The following NPFFR2 variants were observed in gnomAD, a reference collection of about 807,000 sequenced individuals.
NPFFR2 encodes the protein neuropeptide FF receptor 2, also known as G-protein coupled receptor 74.
NPFFR2 carries 15 observed loss-of-function variants against 13.1 expected under a neutral mutation model. That is an observed-to-expected ratio of 1.15 (90% CI 0.77 to 1.76). The LOEUF is 1.76. Ranked by LOEUF, NPFFR2 falls within the 40% of genes most tolerant of loss-of-function variation. The pLI, the probability that NPFFR2 is intolerant of heterozygous loss-of-function variation, is 0.00. For synonymous variants in NPFFR2, 190 were observed against 175.7 expected (o/e 1.08, Z -0.65); for missense variants, 572 against 503.5 (o/e 1.14, Z -1.30).
At chr4:72,074,581 T>A (rs535795341) in intron 1 of NPFFR2, among the ~76,000 whole-genome samples, 2 of 152,156 alleles carry the variant, frequency 1.3e-5, no homozygotes, top group Admixed American at 6.6e-5. Flanking sequence ...ATTTTAGGCA[T>A]CCACTTTGGG....
rs570842338 is a variant in NPFFR2, at chr4:72,087,351, A to G, written c.-7-41234A>G. Among the ~76,000 whole-genome samples the G allele has an allele frequency of 2.0e-5, 3 of 152,258 alleles. No homozygotes were observed. In the East Asian group the frequency reaches 5.8e-4, roughly 29 times the overall value. The stretch of plus-strand genomic sequence containing the variant: ...TGGGAAGAAAATCCAAACACAACAT[A>G]TAAAAATAAATTTCCATGGCTCCTA... On this transcript the variant is annotated intron_variant, in intron 1 of 3. Coordinates refer to ENST00000308744, the MANE Select transcript of NPFFR2 (RefSeq NM_004885.3).
chr4:72,086,815 T>G (rs1434001083), intron 1 of NPFFR2, among the ~76,000 whole-genome samples: 2 of 152,080 alleles, frequency 1.3e-5, no homozygotes, highest in African/African-American at 4.8e-5. Context: ...TGGTAGAGAT[T>G]GAGCTCCATA....
chr4:72,060,698 C>T (rs756124579), intron 1 of NPFFR2, among the ~76,000 whole-genome samples: 3 of 151,958 alleles, frequency 2.0e-5, no homozygotes, highest in Middle Eastern at 3.2e-3. Context: ...TTTAGAACCC[C>T]GAGCTTGTCA....
chr4:72,063,711 C>A (rs1163489265), intron 1 of NPFFR2, among the ~76,000 whole-genome samples: 1 of 152,154 alleles, frequency 6.6e-6, no homozygotes, highest in African/African-American at 2.4e-5. Flanking sequence ...AGTTTTCCAG[C>A]TGGGGCATAT....
Position 72,119,362 on chromosome 4 carries a change from T to A in NPFFR2, c.-7-9223T>A, listed in dbSNP as rs566210331. Reference sequence around the variant, plus strand: ...ATAATTCGGAAACTTCTTGAGAAGCTTTGTAGTTATATATACACTGTAATT... The same window carrying A: ...ATAATTCGGAAACTTCTTGAGAAGCATTGTAGTTATATATACACTGTAATT... On this transcript the variant is annotated intron_variant, in intron 1 of 3. Transcript: ENST00000308744. Among the ~76,000 whole-genome samples, 3 of 152,318 alleles carry A rather than the reference T, an allele frequency of 2.0e-5. No individual in the cohort carries two copies. In the South Asian group the frequency reaches 6.2e-4, roughly 32 times the overall value.
rs763956496 is a variant in NPFFR2 at position 72,128,814 on chromosome 4, CAT to C, written c.226_227del (p.Met76AlafsTer5). ...VVCFIVMRNK[H>X]MHTVTNLFIL... ...TTGCTTTATTGTAATGAGGAACAAA[CAT>C]ATGCACACAGTCACTAATCTCTTCA... On this transcript the variant is annotated frameshift_variant, in exon 2 of 4. Transcript: ENST00000308744. LOFTEE classifies it high-confidence loss of function. 18 of 1,613,898 alleles carry C rather than the reference CAT, an allele frequency of 1.1e-5. No homozygotes were observed. In the East Asian group the frequency reaches 3.3e-4, roughly 30 times the overall value.
chr4:72,066,503 C>T (rs894028563), intron 1 of NPFFR2, among the ~76,000 whole-genome samples: 2 of 152,088 alleles, frequency 1.3e-5, no homozygotes, highest in Non-Finnish European at 2.9e-5. Flanking sequence ...AAATATTTCT[C>T]AATCAGATAT....
At chr4:72,136,962 G>T (rs1168178441) in intron 2 of NPFFR2, among the ~76,000 whole-genome samples, 1 of 152,194 alleles carries the variant, frequency 6.6e-6, no homozygotes, top group Non-Finnish European at 1.5e-5. Flanking sequence ...GGAATTGTGT[G>T]AGGGAGATAA....
At chr4:72,100,643 A>G (rs1197401061) in intron 1 of NPFFR2, among the ~76,000 whole-genome samples, 1 of 152,040 alleles carries the variant, frequency 6.6e-6, no homozygotes, top group Non-Finnish European at 1.5e-5. Context: ...TAGAATTTAA[A>G]AGTGTACTTT....
At chr4:72,045,791 T>A (rs543119211) in intron 1 of NPFFR2, among the ~76,000 whole-genome samples, 35 of 152,290 alleles carry the variant, frequency 2.3e-4, no homozygotes, top group African/African-American at 7.9e-4. Flanking sequence ...GTATGGTTTC[T>A]GTTAAATGCA....
chr4:72,107,460 A>G (rs75924944), intron 1 of NPFFR2, among the ~76,000 whole-genome samples: 2,697 of 151,694 alleles, frequency 0.018, 84 homozygotes, highest in African/African-American at 0.062. Context: ...AGTATTAGTT[A>G]TGGGGCCTGG....
intron 1 of NPFFR2, among the ~76,000 whole-genome samples, chr4:72,035,716 A>G (rs1251673429): frequency 3.3e-5 from 5 of 152,212 alleles, no homozygotes; most frequent in Non-Finnish European, 7.3e-5. Context: ...GAAAAAACAA[A>G]TAAAATAACT....
chr4:72,067,536 C>G (rs1720110080), intron 1 of NPFFR2, among the ~76,000 whole-genome samples: 1 of 152,186 alleles, frequency 6.6e-6, no homozygotes, highest in African/African-American at 2.4e-5. Flanking sequence ...CTCTCCTAAA[C>G]AAGCTTTTAA....
intron 2 of NPFFR2, among the ~76,000 whole-genome samples, chr4:72,131,822 T>C (rs1722251512): frequency 2.0e-5 from 3 of 152,130 alleles, no homozygotes; most frequent in African/African-American, 7.2e-5. Context: ...AAACAAATGA[T>C]GGAAGGATTC....
At chr4:72,058,443 A>G (rs1484835995) in intron 1 of NPFFR2, among the ~76,000 whole-genome samples, 1 of 151,640 alleles carries the variant, frequency 6.6e-6, no homozygotes, top group Non-Finnish European at 1.5e-5. Flanking sequence ...ACCCCAGAGG[A>G]GTCTGGTTCC....
intron 2 of NPFFR2, 128 bp from the exon 3 acceptor site, chr4:72,137,912 A>T (rs1722467823): frequency 6.0e-6 from 4 of 672,038 alleles, no homozygotes; most frequent in Non-Finnish European, 1.0e-5. Context: ...ACTGAGAAAC[A>T]TTGATTTTTC....
At chr4:72,111,165 TATGAG>T (rs143232958) in intron 1 of NPFFR2, among the ~76,000 whole-genome samples, 4,709 of 152,064 alleles carry the variant, frequency 0.031, 229 homozygotes, top group African/African-American at 0.11. Flanking sequence ...CTTTAATTCT[TATGAG>T]AGGAGAAGCT....
intron 1 of NPFFR2, among the ~76,000 whole-genome samples, chr4:72,111,339 G>T (rs1721561478): frequency 6.6e-6 from 1 of 151,942 alleles, no homozygotes; most frequent in African/African-American, 2.4e-5. Flanking sequence ...ATTGTACCTG[G>T]CTGTTCCTGG....
intron 1 of NPFFR2, among the ~76,000 whole-genome samples, chr4:72,086,060 T>TTATTTA (rs1316847825): frequency 4.6e-5 from 7 of 152,104 alleles, no homozygotes; most frequent in Admixed American, 2.6e-4. Flanking sequence ...CACAAGGTTA[T>TTATTTA]TATGAGCATT....
Sources: allele counts gnomAD v4.1 joint callset (sites outside exome capture counted in the v4.1 genomes callset), GRCh38; gene constraint gnomAD v4.1.1; transcripts MANE v1.5; gene names NCBI Gene and HGNC (gene_info 2026-07-23, HGNC 2026-07-21).